The following CAND2 variants were observed in gnomAD, a reference collection of about 807,000 sequenced individuals.
The protein encoded by CAND2 is cullin associated and neddylation dissociated 2 (putative), also known as cullin-associated NEDD8-dissociated protein 2.
In CAND2, 62 loss-of-function variants were observed where a neutral mutation model predicts 98.9. That is an observed-to-expected ratio of 0.63 (90% CI 0.51 to 0.77). The LOEUF is 0.77. Among genes scored for constraint, CAND2 ranks in the 30% least tolerant of loss-of-function variants. The pLI, the probability that CAND2 is intolerant of heterozygous loss-of-function variation, is 0.00. For missense variants in CAND2, 1,501 were observed against 1,655.2 expected (o/e 0.91, Z 1.62); for synonymous variants, 770 against 731.9 (o/e 1.05, Z -0.84).
chr3:12,819,412 A>G (rs1041809896), intron 10 of CAND2, among the ~76,000 whole-genome samples: 7 of 152,242 alleles, frequency 4.6e-5, no homozygotes, highest in Non-Finnish European at 1.0e-4. Flanking sequence ...AGAGATTCAG[A>G]CGCAGGTGGA....
chr3:12,821,796 G>A (rs1180449984), intron 11 of CAND2, among the ~76,000 whole-genome samples: 4 of 152,110 alleles, frequency 2.6e-5, no homozygotes, highest in Non-Finnish European at 4.4e-5. Flanking sequence ...GAGCCTTCCT[G>A]CCCTTCCCAG....
At chr3:12,809,089 C>T (rs2061829762) in intron 4 of CAND2, among the ~76,000 whole-genome samples, 1 of 151,986 alleles carries the variant, frequency 6.6e-6, no homozygotes, top group African/African-American at 2.4e-5. Flanking sequence ...GGGTTGTATT[C>T]AGGAGGGGGA....
chr3:12,833,633 C>A (rs1383264884), intron 14 of CAND2, 122 bp from the exon 15 acceptor site: 8 of 789,584 alleles, frequency 1.0e-5, no homozygotes, highest in Admixed American at 2.2e-5. Flanking sequence ...CAGGAGACCT[C>A]GCAGCAGGGA....
chr3:12,826,202 T>C (rs1185849021), intron 12 of CAND2, among the ~76,000 whole-genome samples: 5 of 152,194 alleles, frequency 3.3e-5, no homozygotes, highest in Non-Finnish European at 7.3e-5. Context: ...ACAATGGACC[T>C]ATTGTGATGT....
chr3:12,826,141 C>T (rs1361245080), intron 12 of CAND2, among the ~76,000 whole-genome samples: 1 of 152,158 alleles, frequency 6.6e-6, no homozygotes, highest in African/African-American at 2.4e-5. Context: ...AAAGCAGTAG[C>T]GTTCAGCAGG....
At chr3:12,818,733 G>A (rs1289782570) in intron 10 of CAND2, among the ~76,000 whole-genome samples, 1 of 152,242 alleles carries the variant, frequency 6.6e-6, no homozygotes, top group African/African-American at 2.4e-5. Flanking sequence ...TTAATACTGA[G>A]TAAATCAAGA....
At chr3:12,818,685 G>T (rs565999393) in intron 10 of CAND2, among the ~76,000 whole-genome samples, 1 of 152,330 alleles carries the variant, frequency 6.6e-6, no homozygotes, top group East Asian at 1.9e-4. Context: ...ACAGAATGCA[G>T]GTACAGTGTT....
At position 12,817,109 on chromosome 3, in the gene CAND2, C is replaced by T. The variant is rs764012033; in HGVS notation, c.2177C>T (p.Pro726Leu). 1 of 1,613,074 alleles carries T rather than the reference C, an allele frequency of 6.2e-7. No individual in the cohort carries two copies. The highest frequency in any genetic ancestry group is 1.7e-5 in the Admixed American group (1 of 60,022). ...DFLATVTQAQ[P>L]ASLVEVSGPV... ...CTTGCCACAGTGACCCAGGCCCAGC[C>T]AGCCTCTTTGGTGGAGGTCAGTGGC... The change falls in exon 10 of 15, where the codon CCA becomes CTA. Residue 726 changes from proline (P) to leucine (L), a missense_variant. This residue lies in a region of CAND2 where 1,427 missense variants were observed against 1,545.3 expected (regional missense o/e 0.92). Coordinates refer to ENST00000456430, the MANE Select transcript of CAND2 (RefSeq NM_001162499.2).
chr3:12,828,848 G>A (rs2062026878), intron 13 of CAND2, among the ~76,000 whole-genome samples: 1 of 152,144 alleles, frequency 6.6e-6, no homozygotes, highest in Admixed American at 6.5e-5. Context: ...TGACCAACTT[G>A]TTTCACTTAG....
chr3:12,817,246 G>A lies in CAND2; in HGVS notation c.2314G>A (p.Val772Met). 1 of 1,613,952 alleles carries A rather than the reference G, an allele frequency of 6.2e-7. No individual in the cohort carries two copies. Among genetic ancestry groups the A allele is most frequent in the Non-Finnish European group, 8.5e-7 (1 of 1,180,042 alleles). Residue 772 changes from valine (V) to methionine (M), a missense_variant, in exon 10 of 15, where the codon GTG becomes ATG. Transcript: ENST00000456430. Reference sequence around the variant, plus strand: ...CCTGGTAGGGACCCGTCCCCCGTGTGTGGACTATGCCAAACTCATCAGCCT... The same window carrying A: ...CCTGGTAGGGACCCGTCCCCCGTGTATGGACTATGCCAAACTCATCAGCCT... ...QALVGTRPPC[V>M]DYAKLISLLT...
chr3:12,798,718 G>A (rs1441224319), intron 1 of CAND2, among the ~76,000 whole-genome samples: 1 of 152,318 alleles, frequency 6.6e-6, no homozygotes, highest in East Asian at 1.9e-4. Context: ...AGCCCTTTCA[G>A]CCTGTCTCTG....
At chr3:12,812,200 T>G (rs112472738) in intron 5 of CAND2, among the ~76,000 whole-genome samples, 4 of 145,762 alleles carry the variant, frequency 2.7e-5, no homozygotes, top group Non-Finnish European at 3.0e-5. Context: ...TGAGCCACCA[T>G]GCCCGGCCTA....
chr3:12,803,699 T>C (rs2061783991), intron 2 of CAND2, 68 bp downstream of exon 2: 2 of 1,455,728 alleles, frequency 1.4e-6, no homozygotes, highest in Non-Finnish European at 1.8e-6. Context: ...TGGGGACCGC[T>C]GTCCCTTTGG....
rs568112158 is a variant in CAND2 at position 12,800,968 on chromosome 3, C to T, written c.69-2520C>T. ...TAATTTCTGACCTTAAGTGATCTGGCGACCTTGGCCTCCCAAAGTGCTGGG... is the reference window on the plus strand; with the variant it reads ...TAATTTCTGACCTTAAGTGATCTGGTGACCTTGGCCTCCCAAAGTGCTGGG... On this transcript the variant is annotated intron_variant, in intron 1 of 14. Coordinates refer to ENST00000456430, the MANE Select transcript of CAND2 (RefSeq NM_001162499.2). Among the ~76,000 whole-genome samples the T allele has an allele frequency of 1.4e-3, 207 of 151,740 alleles. 1 individual carries two copies. Among genetic ancestry groups the T allele is most frequent in the Non-Finnish European group, 2.6e-3 (178 of 67,956 alleles).
chr3:12,813,513 C>G (rs922835539), intron 7 of CAND2, 125 bp downstream of exon 7: 1 of 875,264 alleles, frequency 1.1e-6, no homozygotes. Flanking sequence ...TTCTCAAGCT[C>G]CAGTCCCACC....
At chr3:12,814,393 G>C (rs1295877758) in intron 7 of CAND2, among the ~76,000 whole-genome samples, 1 of 152,206 alleles carries the variant, frequency 6.6e-6, no homozygotes. Context: ...TGTGCCCTGA[G>C]AGTCTCACCC....
At chr3:12,825,122 T>C (rs184016808) in intron 11 of CAND2, among the ~76,000 whole-genome samples, 1 of 152,160 alleles carries the variant, frequency 6.6e-6, no homozygotes, top group East Asian at 1.9e-4. Context: ...TTTTCTTTTT[T>C]TTTTTTTCAA....
chr3:12,817,948 TG>T, intron 10 of CAND2, 72 bp downstream of exon 10: 1 of 1,355,600 alleles, frequency 7.4e-7, no homozygotes. Context: ...TCCAGGCAGC[TG>T]GGGCAGAGTG....
At chr3:12,825,035 T>A (rs997131037) in intron 11 of CAND2, among the ~76,000 whole-genome samples, 2 of 152,188 alleles carry the variant, frequency 1.3e-5, no homozygotes, top group African/African-American at 4.8e-5. Context: ...AATAACAAGT[T>A]CACATTCACA....
Sources: allele counts gnomAD v4.1 joint callset (sites outside exome capture counted in the v4.1 genomes callset), GRCh38; gene constraint gnomAD v4.1.1; regional missense constraint gnomAD v4.1.1; transcripts MANE v1.5; gene names NCBI Gene and HGNC (gene_info 2026-07-23, HGNC 2026-07-21).